The following GLB1 variants were observed in gnomAD, a reference collection of about 807,000 sequenced individuals.
GLB1 encodes the protein galactosidase beta 1, also known as beta-galactosidase.
A neutral mutation model predicts 74.0 loss-of-function variants in GLB1; 56 were observed. That is an observed-to-expected ratio of 0.76 (90% CI 0.61 to 0.94). GLB1 has a LOEUF of 0.94. Among genes scored for constraint, GLB1 ranks in the 40% least tolerant of loss-of-function variants. The pLI, the probability that GLB1 is intolerant of heterozygous loss-of-function variation, is 0.00. For missense variants in GLB1, 787 were observed against 845.5 expected (o/e 0.93, Z 0.86); for synonymous variants, 323 against 323.6 (o/e 1.00, Z 0.02).
chr3:33,092,168 C>T (rs1315297082), intron 1 of GLB1: 1 of 985,592 alleles, frequency 1.0e-6, no homozygotes, highest in Non-Finnish European at 1.2e-6. Flanking sequence ...CTCCCCTGAC[C>T]TTGCCCCCAA....
At chr3:33,045,007 G>T (rs373583767) in intron 10 of GLB1, among the ~76,000 whole-genome samples, 7 of 140,528 alleles carry the variant, frequency 5.0e-5, no homozygotes, top group African/African-American at 1.9e-4. Flanking sequence ...TCTGCACCAT[G>T]CTTCACAGTA....
intron 9 of GLB1, among the ~76,000 whole-genome samples, chr3:33,050,344 T>C (rs779782985): frequency 4.6e-5 from 7 of 152,156 alleles, no homozygotes; most frequent in Non-Finnish European, 7.3e-5. Context: ...TCCTTGTACA[T>C]CAATGTTCAA....
intron 12 of GLB1, among the ~76,000 whole-genome samples, chr3:33,019,294 C>T (rs1304062692): frequency 6.6e-6 from 1 of 152,216 alleles, no homozygotes; most frequent in Non-Finnish European, 1.5e-5. Flanking sequence ...AAGCCTCAAA[C>T]AATCAGCCTC....
intron 15 of GLB1, among the ~76,000 whole-genome samples, chr3:33,009,122 A>AAAATAAATAAAT (rs201038052): frequency 0.071 from 9,765 of 137,398 alleles, 430 homozygotes; most frequent in African/African-American, 0.1. Flanking sequence ...TCCATCTTAA[A>AAAATAAATAAAT]AAATAAATAA....
chr3:33,035,916 T>G (rs1698254946), intron 10 of GLB1, among the ~76,000 whole-genome samples: 1 of 152,248 alleles, frequency 6.6e-6, no homozygotes, highest in South Asian at 2.1e-4. Flanking sequence ...TTCAAGCTCC[T>G]TAACTTGGTG....
intron 10 of GLB1, among the ~76,000 whole-genome samples, chr3:33,037,118 T>G (rs1212366968): frequency 1.3e-5 from 2 of 151,704 alleles, no homozygotes; most frequent in African/African-American, 4.9e-5. Flanking sequence ...TGATCTCAGG[T>G]CACTGCAACC....
intron 11 of GLB1, among the ~76,000 whole-genome samples, chr3:33,022,243 C>A (rs1407864076): frequency 1.3e-5 from 2 of 152,124 alleles, no homozygotes; most frequent in African/African-American, 4.8e-5. Flanking sequence ...ATGCCCAGAA[C>A]ATAGTAAATG....
chr3:33,011,887 A>G (rs1697045683), intron 15 of GLB1, among the ~76,000 whole-genome samples: 1 of 152,170 alleles, frequency 6.6e-6, no homozygotes, highest in Non-Finnish European at 1.5e-5. Flanking sequence ...TTCTCTATAG[A>G]ATGCAATCTG....
At chr3:32,987,398 C>T in the GLB1 span, among the ~76,000 whole-genome samples, 4 of 152,354 alleles carry the variant, frequency 2.6e-5, no homozygotes, top group Non-Finnish European at 2.9e-5. Context: ...AGTCTCCTTG[C>T]TTACCTTTAC....
At chr3:33,090,361 T>C (rs1323523931) in intron 1 of GLB1, 35 of 978,396 alleles carry the variant, frequency 3.6e-5, no homozygotes, top group Admixed American at 6.2e-5. Context: ...GAGAGGTACA[T>C]GTACGAAAAG....
intron 4 of GLB1, among the ~76,000 whole-genome samples, chr3:33,066,242 G>A (rs1699677135): frequency 6.6e-6 from 1 of 152,206 alleles, no homozygotes; most frequent in East Asian, 1.9e-4. Context: ...GTAGTATTGA[G>A]AGGTGGGGCC....
In GLB1 at chr3:33,014,067, C is replaced by T; in HGVS notation, c.1723G>A (p.Gly575Arg). The T allele has an allele frequency of 6.2e-7, 1 of 1,614,200 alleles. No homozygotes were observed. Among genetic ancestry groups the T allele is most frequent in the Non-Finnish European group, 8.5e-7 (1 of 1,180,046 alleles). The change falls in exon 15 of 16, where the codon GGA becomes AGA. Residue 575 changes from glycine (G) to arginine (R), a missense_variant. Transcript: ENST00000307363. Reference sequence around the variant, plus strand: ...ATGAAGACACGTACCTTGGTCCATCCAGGAAACTGGATAAAGGTGTCCTGG... The same window carrying T: ...ATGAAGACACGTACCTTGGTCCATCTAGGAAACTGGATAAAGGTGTCCTGG... ...LPQDTFIQFP[G>R]WTKGQVWING...
chr3:32,964,952 C>T, the GLB1 span, among the ~76,000 whole-genome samples: 15 of 152,122 alleles, frequency 9.9e-5, no homozygotes, highest in African/African-American at 2.4e-4. Context: ...GGCAGTTCCC[C>T]GCACACACTC....
chr3:33,015,422 T>C (rs1289899720), intron 14 of GLB1, among the ~76,000 whole-genome samples: 1 of 152,184 alleles, frequency 6.6e-6, no homozygotes, highest in Non-Finnish European at 1.5e-5. Flanking sequence ...ATTCAGAAGC[T>C]GCTCTATTTG....
At chr3:33,011,968 C>A (rs978849027) in intron 15 of GLB1, among the ~76,000 whole-genome samples, 1 of 152,204 alleles carries the variant, frequency 6.6e-6, no homozygotes, top group African/African-American at 2.4e-5. Flanking sequence ...TCTAAAACCA[C>A]CGAAGTGCTT....
chr3:32,977,896 T>G, the GLB1 span, among the ~76,000 whole-genome samples: 1 of 152,162 alleles, frequency 6.6e-6, no homozygotes, highest in Non-Finnish European at 1.5e-5. Flanking sequence ...GCCCACAGAA[T>G]TTTTTGCCAA....
chr3:33,030,258 T>C (rs1697949513), intron 10 of GLB1: 1 of 153,828 alleles, frequency 6.5e-6, no homozygotes, highest in African/African-American at 2.4e-5. Context: ...ATGGAAGGTA[T>C]CCTGACCACA....
chr3:33,082,348 G>C (rs1700352974), intron 1 of GLB1, among the ~76,000 whole-genome samples: 1 of 152,162 alleles, frequency 6.6e-6, no homozygotes, highest in Non-Finnish European at 1.5e-5. Flanking sequence ...ATAATGAGTA[G>C]GAGCCATCAT....
intron 1 of GLB1, among the ~76,000 whole-genome samples, chr3:33,079,885 G>A (rs1260060784): frequency 3.9e-5 from 6 of 151,990 alleles, no homozygotes; most frequent in Admixed American, 1.3e-4. Flanking sequence ...GGGCTCAAGC[G>A]ATCCTCCCAC....
Sources: allele counts gnomAD v4.1 joint callset (sites outside exome capture counted in the v4.1 genomes callset), GRCh38; gene constraint gnomAD v4.1.1; transcripts MANE v1.5; gene names NCBI Gene and HGNC (gene_info 2026-07-23, HGNC 2026-07-21).